The following INPP5A variants were observed in gnomAD, a reference collection of about 807,000 sequenced individuals.
The protein encoded by INPP5A is 43 kDa inositol polyphosphate 5-phophatase.
Under a neutral mutation model 65.2 loss-of-function variants are expected in INPP5A, and 14 were observed. The ratio of observed to expected loss-of-function variants is 0.21; its 90% CI spans 0.14 to 0.34. The LOEUF (loss-of-function observed/expected upper bound fraction) is 0.34, where lower values mean the gene tolerates loss of function less well. INPP5A is among the 10% of genes least tolerant of loss of function. The pLI, the probability that INPP5A is intolerant of heterozygous loss-of-function variation, is 1.00. For synonymous variants in INPP5A, 207 were observed against 208.3 expected (o/e 0.99, Z 0.05); for missense variants, 431 against 545.6 (o/e 0.79, Z 2.09).
intron 2 of INPP5A, among the ~76,000 whole-genome samples, chr10:132,618,880 T>A (rs754351347): frequency 6.6e-6 from 1 of 152,204 alleles, no homozygotes; most frequent in Non-Finnish European, 1.5e-5. Context: ...ACCAAGGGGA[T>A]GGCCCAGTCC....
intron 4 of INPP5A, 71 bp from the exon 5 acceptor site, chr10:132,690,321 A>G: frequency 9.8e-7 from 1 of 1,017,610 alleles, no homozygotes. Flanking sequence ...AGCTTCTTTT[A>G]TTGTTAAAAA....
intron 8 of INPP5A, among the ~76,000 whole-genome samples, chr10:132,718,195 G>T (rs1346455365): frequency 7.4e-6 from 1 of 135,088 alleles, no homozygotes; most frequent in Non-Finnish European, 1.6e-5. Flanking sequence ...CGCCTTAGAC[G>T]GCTGTCTTCA....
Position 132,716,388 on chromosome 10 carries a change from G to T in INPP5A, c.647+5932G>T, listed in dbSNP as rs148311639. Among the ~76,000 whole-genome samples the T allele has an allele frequency of 5.7e-4, 87 of 152,366 alleles. No individual in the cohort carries two copies. The Middle Eastern group carries it at 0.01, about 18-fold the overall frequency. ...TCGACGTGACGTTGCTGTGACGCCT[G>T]TGTGTGGTTTATGTCTTTACACATG... On this transcript the variant is annotated intron_variant, in intron 8 of 15. Coordinates refer to ENST00000368594, the MANE Select transcript of INPP5A (RefSeq NM_005539.5).
intron 8 of INPP5A, among the ~76,000 whole-genome samples, chr10:132,712,586 G>A (rs551530813): frequency 9.9e-5 from 15 of 151,774 alleles, no homozygotes; most frequent in Admixed American, 6.6e-4. Context: ...ATGTGAGTGC[G>A]GGTGTATGTG....
intron 2 of INPP5A, among the ~76,000 whole-genome samples, chr10:132,640,049 G>A (rs1313686699): frequency 6.6e-6 from 1 of 152,190 alleles, no homozygotes; most frequent in East Asian, 1.9e-4. Flanking sequence ...CGGCATTGGT[G>A]TTGTCTTAGT....
intron 1 of INPP5A, among the ~76,000 whole-genome samples, chr10:132,558,800 T>C (rs1590827844): frequency 6.6e-6 from 1 of 152,244 alleles, no homozygotes; most frequent in African/African-American, 2.4e-5. Context: ...GGATATTCCA[T>C]GTGGCTTTTG....
chr10:132,596,620 G>A (rs2071692345), intron 1 of INPP5A, among the ~76,000 whole-genome samples: 1 of 152,154 alleles, frequency 6.6e-6, no homozygotes, highest in Non-Finnish European at 1.5e-5. Context: ...AGTAGAGACA[G>A]GGTTTCACTA....
Position 132,782,158 on chromosome 10 carries a change from CCCA to C in INPP5A, c.*131_*133del. On this transcript the variant is annotated 3_prime_UTR_variant, in exon 16 of 16. Transcript: ENST00000368594. The surrounding 1 kb of genome is among the most constrained non-coding windows in gnomAD (Gnocchi z 4.4). ...AAGCGCCACCTGCTAGACGGCCAGC[CCCA>C]CACTTCGCTTCAGCCTCCGGACCAT... The C allele has an allele frequency of 1.4e-6, 2 of 1,477,094 alleles. No homozygotes were observed. The highest frequency in any genetic ancestry group is 1.8e-6 in the Non-Finnish European group (2 of 1,090,088). 91.5% of individuals were successfully genotyped at this position (1,477,094 alleles called of 1,614,324 possible). A position where few individuals can be genotyped will look rare whatever the true frequency, so the allele number is the denominator to read the frequency against.
rs2072375494 is a variant in INPP5A at position 132,637,694 on chromosome 10, C to T, written c.118-8174C>T. On this transcript the variant is annotated intron_variant, in intron 2 of 15. Transcript: ENST00000368594. The surrounding 1 kb of genome is among the most constrained non-coding windows in gnomAD (Gnocchi z 4.1). Reference sequence around the variant, plus strand: ...GTTCTGTGCTTTGCCTTTGCCGCCCCCGAGGTTGATGGGCGCTCTCCGTCT... The same window carrying T: ...GTTCTGTGCTTTGCCTTTGCCGCCCTCGAGGTTGATGGGCGCTCTCCGTCT... Among the ~76,000 whole-genome samples the T allele has an allele frequency of 6.6e-6, 1 of 152,172 alleles. No homozygotes were observed. Among genetic ancestry groups the T allele is most frequent in the African/African-American group, 2.4e-5 (1 of 41,424 alleles).
intron 4 of INPP5A, among the ~76,000 whole-genome samples, chr10:132,657,414 C>T (rs1005101218): frequency 6.6e-6 from 1 of 152,218 alleles, no homozygotes; most frequent in African/African-American, 2.4e-5. Context: ...TCCCCCGCGG[C>T]TGGGTCTGTG....
intron 6 of INPP5A, among the ~76,000 whole-genome samples, chr10:132,700,621 G>A (rs1426027857): frequency 6.6e-6 from 1 of 152,226 alleles, no homozygotes; most frequent in South Asian, 2.1e-4. Flanking sequence ...AGCCATGGGA[G>A]TCCCGGCCTG....
intron 9 of INPP5A, among the ~76,000 whole-genome samples, chr10:132,732,664 G>C (rs1047332357): frequency 2.6e-5 from 4 of 152,186 alleles, no homozygotes; most frequent in Non-Finnish European, 5.9e-5. Context: ...AGGAGTCACA[G>C]GACCCTGGAA....
Position 132,753,120 on chromosome 10 carries a change from G to C in INPP5A, c.903+3275G>C, listed in dbSNP as rs999543102. 6.6e-6 allele frequency among the ~76,000 whole-genome samples: 1 copy of C among 152,114 alleles called. No homozygotes were observed. The highest frequency in any genetic ancestry group is 2.4e-5 in the African/African-American group (1 of 41,412). Reference sequence around the variant, plus strand: ...CTCTCTGTTTGGGGCCTGGGACGACGGCACCTTCGGGAACGCCCCATGGGT... The same window carrying C: ...CTCTCTGTTTGGGGCCTGGGACGACCGCACCTTCGGGAACGCCCCATGGGT... On this transcript the variant is annotated intron_variant, in intron 11 of 15. Coordinates refer to ENST00000368594, the MANE Select transcript of INPP5A (RefSeq NM_005539.5). This position sits in a 1 kb window ranked among gnomAD's most constrained non-coding sequence, Gnocchi z 5.3.
chr10:132,605,665 G>C (rs1003089244), intron 1 of INPP5A, among the ~76,000 whole-genome samples: 1 of 152,104 alleles, frequency 6.6e-6, no homozygotes, highest in Non-Finnish European at 1.5e-5. Context: ...AGCGCCACGC[G>C]GGCCAGAAAG....
intron 4 of INPP5A, among the ~76,000 whole-genome samples, chr10:132,657,166 A>G (rs565999463): frequency 6.6e-6 from 1 of 152,170 alleles, no homozygotes; most frequent in Non-Finnish European, 1.5e-5. Context: ...TTGGGCTCGG[A>G]GCAGAACTAT....
chr10:132,689,224 G>A (rs1464586160), intron 4 of INPP5A, among the ~76,000 whole-genome samples: 2 of 152,182 alleles, frequency 1.3e-5, no homozygotes, highest in Non-Finnish European at 2.9e-5. Context: ...TGCAGAGTTG[G>A]GGTTAGAGCC....
chr10:132,690,711 TTGTATC>T (rs1236265451), intron 5 of INPP5A, among the ~76,000 whole-genome samples: 1 of 152,122 alleles, frequency 6.6e-6, no homozygotes, highest in African/African-American at 2.4e-5. Context: ...AAGGAATAGT[TTGTATC>T]TGTGTTCCCA....
intron 1 of INPP5A, among the ~76,000 whole-genome samples, chr10:132,597,977 G>A (rs1037946222): frequency 6.6e-6 from 1 of 152,228 alleles, no homozygotes; most frequent in Non-Finnish European, 1.5e-5. Flanking sequence ...GCGTGTTCCC[G>A]GGCTGTGCTA....
intron 11 of INPP5A, among the ~76,000 whole-genome samples, chr10:132,752,478 G>A (rs1214048028): frequency 6.9e-6 from 1 of 145,114 alleles, no homozygotes; most frequent in African/African-American, 2.6e-5. Flanking sequence ...GGCATGGAGA[G>A]GGGTGCAGAG....
Sources: allele counts gnomAD v4.1 joint callset (sites outside exome capture counted in the v4.1 genomes callset), GRCh38; gene constraint gnomAD v4.1.1; non-coding constraint Gnocchi (gnomAD v3.1); transcripts MANE v1.5; gene names NCBI Gene and HGNC (gene_info 2026-07-23, HGNC 2026-07-21).